The following ARPC4 variants were observed in gnomAD, a reference collection of about 807,000 sequenced individuals.
The protein encoded by ARPC4 is actin-related protein 2/3 complex subunit 4.
ARPC4 carries 3 observed loss-of-function variants against 22.8 expected under a neutral mutation model. That is an observed-to-expected ratio of 0.13 (90% CI 0.06 to 0.34). ARPC4 has a LOEUF of 0.34. Ranked by LOEUF, ARPC4 falls within the 10% of genes least tolerant of loss-of-function variation. ARPC4 has a pLI of 1.00. For missense variants in ARPC4, 98 were observed against 211.0 expected (o/e 0.46, Z 3.32); for synonymous variants, 80 against 72.5 (o/e 1.10, Z -0.52).
intron 1 of ARPC4, 61 bp from the exon 2 acceptor site, chr3:9,797,598 G>C: frequency 1.3e-6 from 2 of 1,565,530 alleles, no homozygotes; most frequent in East Asian, 4.5e-5. Context: ...TGGAATAGGG[G>C]ATCGGTGGGT....
At chr3:9,794,843 T>C (rs1190545273) in intron 1 of ARPC4, among the ~76,000 whole-genome samples, 1 of 152,142 alleles carries the variant, frequency 6.6e-6, no homozygotes. Flanking sequence ...TTTTTCAGAT[T>C]GTCATGTAAA....
intron 3 of ARPC4, among the ~76,000 whole-genome samples, 170 bp from the exon 4 acceptor site, chr3:9,801,490 AC>A (rs1317306323): frequency 8.5e-5 from 13 of 152,076 alleles, no homozygotes; most frequent in Non-Finnish European, 1.5e-4. Flanking sequence ...CCCAAGGTAG[AC>A]CCTTGTTTCA....
At chr3:9,803,638 A>G (rs1042747751) in intron 4 of ARPC4, 1 of 732,956 alleles carries the variant, frequency 1.4e-6, no homozygotes, top group Admixed American at 1.8e-5. Flanking sequence ...CAGAATTCTC[A>G]ACGGGGTTCA....
At chr3:9,796,105 TA>T (rs895162113) in intron 1 of ARPC4, among the ~76,000 whole-genome samples, 4 of 150,364 alleles carry the variant, frequency 2.7e-5, no homozygotes, top group African/African-American at 4.9e-5. Context: ...CAAAAAAAAA[TA>T]AAAAAGGCCA....
chr3:9,796,822 T>A (rs1188450841), intron 1 of ARPC4, among the ~76,000 whole-genome samples: 4 of 151,052 alleles, frequency 2.6e-5, no homozygotes. Flanking sequence ...GCGCCTGTAG[T>A]CCCAGCTACT....
intron 5 of ARPC4, 100 bp from the exon 6 acceptor site, chr3:9,806,110 T>G (rs376504369): frequency 1.0e-5 from 14 of 1,368,738 alleles, no homozygotes; most frequent in African/African-American, 2.9e-5. Flanking sequence ...CTCACAGATA[T>G]GAGCACAGTG....
intron 5 of ARPC4, among the ~76,000 whole-genome samples, chr3:9,805,010 G>A (rs2079080353): frequency 6.6e-6 from 1 of 152,186 alleles, no homozygotes; most frequent in South Asian, 2.1e-4. Context: ...CAGTGGTTGA[G>A]CATTAAATGA....
chr3:9,797,217 C>T (rs2078914501), intron 1 of ARPC4, among the ~76,000 whole-genome samples: 1 of 152,192 alleles, frequency 6.6e-6, no homozygotes, highest in African/African-American at 2.4e-5. Context: ...TGACGACAAT[C>T]ATGCATTCAC....
In ARPC4 at chr3:9,806,244, C is replaced by T. The variant is rs2079104863; in HGVS notation, c.*29C>T. 1 of 1,611,888 alleles carries T rather than the reference C, an allele frequency of 6.2e-7. No homozygotes were observed. Among genetic ancestry groups the T allele is most frequent in the South Asian group, 1.1e-5 (1 of 91,042 alleles). ...ATCTGGCTGGATCTCGTGGCCTTCC[C>T]CCTCAGACTACCCATGTCTCCACGA... On this transcript the variant is annotated 3_prime_UTR_variant, in exon 6 of 6. Transcript: ENST00000397261.
intron 5 of ARPC4, among the ~76,000 whole-genome samples, chr3:9,805,597 G>C (rs1175402019): frequency 1.3e-5 from 2 of 152,224 alleles, no homozygotes; most frequent in African/African-American, 4.8e-5. Context: ...CATCTTCCAT[G>C]TTTTCAAGGT....
chr3:9,805,937 A>G (rs2079098175), intron 5 of ARPC4, among the ~76,000 whole-genome samples: 1 of 152,246 alleles, frequency 6.6e-6, no homozygotes, highest in Admixed American at 6.5e-5. Context: ...GCTTTCTAGC[A>G]GCCTCCATGC....
chr3:9,801,230 A>G (rs1032049461), intron 3 of ARPC4, among the ~76,000 whole-genome samples: 1 of 147,732 alleles, frequency 6.8e-6, no homozygotes, highest in Non-Finnish European at 1.5e-5. Context: ...AAAAAAAAAA[A>G]AAAAAAAGAA....
chr3:9,793,139 C>A lies in ARPC4; in HGVS notation c.3+15C>A, dbSNP rs752173062. The A allele has an allele frequency of 5.2e-6, 8 of 1,540,450 alleles. No homozygotes were observed. The East Asian group carries it at 1.2e-4, about 24-fold the overall frequency. ...CGCCCGCGATGGTGAGAGAGCCGGG[C>A]CCCCGGCCAGGGACCCCCGGCTGTT... is the stretch of plus-strand genomic sequence containing the variant. On this transcript the variant is annotated intron_variant, in intron 1 of 5. Transcript: ENST00000397261.
chr3:9,803,174 C>T (rs1434845554), intron 4 of ARPC4, among the ~76,000 whole-genome samples: 5 of 152,222 alleles, frequency 3.3e-5, no homozygotes, highest in South Asian at 2.1e-4. Flanking sequence ...TGAGCCACCG[C>T]GCCCGGCCCA....
At position 9,802,798 on chromosome 3, in the gene ARPC4, C is replaced by T. The variant is rs58816196; in HGVS notation, c.330+1042C>T. On this transcript the variant is annotated intron_variant, in intron 4 of 5. Coordinates refer to ENST00000397261, the MANE Select transcript of ARPC4 (RefSeq NM_005718.5). ...AAGTGATTCTCCTGCCTCAGCCTCC[C>T]GAGTAGCTGGGATTATAGGCACGCA... 5.3e-5 allele frequency among the ~76,000 whole-genome samples: 8 copies of T among 151,842 alleles called. No homozygotes were observed. The East Asian group carries it at 9.7e-4, about 18-fold the overall frequency.
rs2078925784 is a variant in ARPC4 at position 9,797,721 on chromosome 3, G to A, written c.66G>A (p.Leu22=). 1.2e-6 allele frequency: 2 copies of A among 1,614,040 alleles called. No homozygotes were observed. Among genetic ancestry groups the A allele is most frequent in the Non-Finnish European group, 1.7e-6 (2 of 1,180,036 alleles). ...VRATLQAALC[L]ENFSSQVVER... The stretch of plus-strand genomic sequence containing the variant: ...CCACATTGCAGGCTGCCCTCTGCCT[G>A]GAGAACTTCTCCTCCCAGGTTGTGG... Residue 22 remains leucine, a synonymous_variant, in exon 2 of 6, where the codon CTG becomes CTA. Transcript: ENST00000397261.
intron 1 of ARPC4, among the ~76,000 whole-genome samples, chr3:9,796,286 C>T (rs903600739): frequency 1.3e-5 from 2 of 152,116 alleles, no homozygotes. Context: ...CCCAGCTACT[C>T]GGGAGGCTGA....
chr3:9,794,497 T>A (rs1435482542), intron 1 of ARPC4, among the ~76,000 whole-genome samples: 1 of 151,352 alleles, frequency 6.6e-6, no homozygotes, highest in Non-Finnish European at 1.5e-5. Context: ...AGACTCCGTC[T>A]CAAAAAAAAA....
At chr3:9,794,459 A>C (rs904204485) in intron 1 of ARPC4, among the ~76,000 whole-genome samples, 2 of 152,198 alleles carry the variant, frequency 1.3e-5, no homozygotes, top group Admixed American at 6.5e-5. Context: ...AGATCGTGCC[A>C]CTGCACACCA....
Sources: allele counts gnomAD v4.1 joint callset (sites outside exome capture counted in the v4.1 genomes callset), GRCh38; gene constraint gnomAD v4.1.1; transcripts MANE v1.5; gene names NCBI Gene and HGNC (gene_info 2026-07-23, HGNC 2026-07-21).